The following FAM107B variants were observed in gnomAD, a reference collection of about 807,000 sequenced individuals.
FAM107B encodes protein FAM107B.
In FAM107B, 21 loss-of-function variants were observed where a neutral mutation model predicts 31.5. That is an observed-to-expected ratio of 0.67 (90% CI 0.47 to 0.96). The LOEUF is 0.96. FAM107B is among the 40% of genes least tolerant of loss of function. The pLI is 0.00. For missense variants in FAM107B, 452 were observed against 377.1 expected, an observed-to-expected ratio of 1.20 and a Z score of -1.64; for synonymous variants, 157 against 141.5, an observed-to-expected ratio of 1.11 and a Z score of -0.78.
intron 1 of FAM107B, among the ~76,000 whole-genome samples, chr10:14,697,734 C>G (rs1855300644): frequency 6.6e-6 from 1 of 152,232 alleles, no homozygotes; most frequent in Admixed American, 6.5e-5. Flanking sequence ...CTCGAAGGGA[C>G]TCTACCTAGA....
intron 1 of FAM107B, among the ~76,000 whole-genome samples, chr10:14,697,035 T>C (rs1156502086): frequency 3.3e-5 from 5 of 151,952 alleles, no homozygotes; most frequent in African/African-American, 1.2e-4. Flanking sequence ...ACATTGACAG[T>C]CTAGAGAGAG....
chr10:14,568,368 T>G (rs2131235373), intron 2 of FAM107B, among the ~76,000 whole-genome samples: 1 of 151,774 alleles, frequency 6.6e-6, no homozygotes, highest in Non-Finnish European at 1.5e-5. Flanking sequence ...GATCCCAGGG[T>G]TAGACCAGGA....
chr10:14,659,906 AT>A (rs199893236), intron 2 of FAM107B, among the ~76,000 whole-genome samples: 326 of 151,590 alleles, frequency 2.2e-3, no homozygotes, highest in African/African-American at 7.3e-3. Flanking sequence ...AAAAATACTT[AT>A]TTTTTTTTCT....
chr10:14,683,518 C>A (rs1393513089), intron 1 of FAM107B, among the ~76,000 whole-genome samples: 2 of 152,174 alleles, frequency 1.3e-5, no homozygotes, highest in African/African-American at 4.8e-5. Context: ...TACAATTCAA[C>A]CTGCTGGTCT....
intron 2 of FAM107B, chr10:14,556,245 T>G (rs1849689519): frequency 1.6e-6 from 1 of 611,036 alleles, no homozygotes; most frequent in Non-Finnish European, 2.0e-6. Context: ...CCCTCGTCCT[T>G]CCTGTCATCA....
intron 1 of FAM107B, among the ~76,000 whole-genome samples, chr10:14,705,124 C>T (rs1406155094): frequency 6.6e-6 from 1 of 151,526 alleles, no homozygotes; most frequent in Non-Finnish European, 1.5e-5. Context: ...CACCACATCA[C>T]TAATCATTAG....
At chr10:14,767,089 G>GAC (rs1833194757) in intron 1 of FAM107B, among the ~76,000 whole-genome samples, 2 of 112,534 alleles carry the variant, frequency 1.8e-5, no homozygotes, top group African/African-American at 4.0e-5. Context: ...GAGAGAGAGA[G>GAC]AGAGAGAGAG....
chr10:14,704,118 A>G (rs1855467529), intron 1 of FAM107B, among the ~76,000 whole-genome samples: 1 of 152,186 alleles, frequency 6.6e-6, no homozygotes, highest in African/African-American at 2.4e-5. Context: ...CTATGCTCTG[A>G]CAGTACATCC....
intron 1 of FAM107B, among the ~76,000 whole-genome samples, chr10:14,717,310 G>A (rs940508957): frequency 3.3e-5 from 5 of 152,114 alleles, no homozygotes; most frequent in Non-Finnish European, 7.3e-5. Flanking sequence ...AATCAGATCG[G>A]TGTGTGTGTA....
intron 1 of FAM107B, among the ~76,000 whole-genome samples, chr10:14,725,984 C>A (rs1393388842): frequency 6.7e-6 from 1 of 148,224 alleles, no homozygotes. Flanking sequence ...CAGCATCACA[C>A]CCGGCTAATT....
intron 2 of FAM107B, among the ~76,000 whole-genome samples, chr10:14,656,915 T>C (rs1039687369): frequency 1.3e-5 from 2 of 152,218 alleles, no homozygotes; most frequent in African/African-American, 4.8e-5. Flanking sequence ...ATTCCCACTG[T>C]GTTAAGAGGA....
At chr10:14,628,802 G>A (rs921422271) in intron 2 of FAM107B, among the ~76,000 whole-genome samples, 1 of 152,112 alleles carries the variant, frequency 6.6e-6, no homozygotes, top group Non-Finnish European at 1.5e-5. Flanking sequence ...GGAGGTTGAG[G>A]TGGGAGGATC....
chr10:14,697,037 T>C (rs184685460), intron 1 of FAM107B, among the ~76,000 whole-genome samples: 2 of 152,062 alleles, frequency 1.3e-5, no homozygotes, highest in Non-Finnish European at 2.9e-5. Flanking sequence ...ATTGACAGTC[T>C]AGAGAGAGAG....
intron 2 of FAM107B, among the ~76,000 whole-genome samples, chr10:14,604,815 ATC>A (rs1450517724): frequency 1.3e-5 from 2 of 149,128 alleles, no homozygotes; most frequent in African/African-American, 2.5e-5. Flanking sequence ...CTCTCCCTTA[ATC>A]TCTTTCTCTC....
chr10:14,746,719 C>T (rs1448181670), intron 1 of FAM107B, among the ~76,000 whole-genome samples: 1 of 152,094 alleles, frequency 6.6e-6, no homozygotes, highest in African/African-American at 2.4e-5. Context: ...CTCTGGCTGT[C>T]CTTAACATTT....
At chr10:14,720,464 G>T (rs1184132237) in intron 1 of FAM107B, among the ~76,000 whole-genome samples, 2 of 152,134 alleles carry the variant, frequency 1.3e-5, no homozygotes, top group Non-Finnish European at 2.9e-5. Context: ...ATGTTGGCCA[G>T]GCTGGTCTCG....
chr10:14,578,704 G>T (rs549402175), intron 2 of FAM107B, among the ~76,000 whole-genome samples: 61 of 152,278 alleles, frequency 4.0e-4, no homozygotes, highest in Middle Eastern at 6.8e-3. Flanking sequence ...TATTTACTTG[G>T]GAATTCCTGT....
In FAM107B at chr10:14,771,852, CG is replaced by C. The variant is rs552401501; in HGVS notation, c.411+2400del. 1.4e-3 allele frequency among the ~76,000 whole-genome samples: 209 copies of C among 152,220 alleles called. 2 individuals are homozygous for C. The highest frequency in any genetic ancestry group is 4.5e-3 in the African/African-American group (187 of 41,538). On this transcript the variant is annotated intron_variant, in intron 1 of 4. Transcript: ENST00000181796. ...TATTTAAATGTGATTGAGTATCAAG[CG>C]AGATCACATATGAATAGTTGATCCT...
chr10:14,648,484 G>A (rs918521859), intron 2 of FAM107B, among the ~76,000 whole-genome samples: 1 of 152,208 alleles, frequency 6.6e-6, no homozygotes, highest in Non-Finnish European at 1.5e-5. Context: ...CTCAGGCTCC[G>A]AGGGGAAAAG....
Sources: gnomAD v4.1 joint callset for allele counts (sites outside exome capture counted in the v4.1 genomes callset) on GRCh38, gnomAD v4.1.1 for gene constraint, MANE v1.5 for transcripts, NCBI Gene and HGNC (gene_info 2026-07-23, HGNC 2026-07-21) for gene names.